C1orf21: variants seen among roughly 807,000 people sequenced by gnomAD.
The protein encoded by C1orf21 is uncharacterized protein C1orf21.
A neutral mutation model predicts 18.7 loss-of-function variants in C1orf21; 3 were observed. That is an observed-to-expected ratio of 0.16 (90% CI 0.07 to 0.42). C1orf21 has a LOEUF of 0.42. Among genes scored for constraint, C1orf21 ranks in the 10% least tolerant of loss-of-function variants. The pLI, the probability that C1orf21 is intolerant of heterozygous loss-of-function variation, is 0.99. For synonymous variants in C1orf21, 41 were observed against 46.4 expected (o/e 0.88, Z 0.47); for missense variants, 104 against 143.6 (o/e 0.72, Z 1.41).
intron 3 of C1orf21, among the ~76,000 whole-genome samples, chr1:184,545,444 GAA>G: frequency 6.6e-6 from 1 of 151,630 alleles, no homozygotes; most frequent in Admixed American, 6.6e-5. Context: ...TTTCTAGAAT[GAA>G]AAAGTGTTTT....
intron 3 of C1orf21, among the ~76,000 whole-genome samples, chr1:184,573,200 G>T (rs574779697): frequency 6.6e-6 from 1 of 152,192 alleles, no homozygotes; most frequent in South Asian, 2.1e-4. Flanking sequence ...ACTTGCAGCT[G>T]CAGCGTTTAC....
At chr1:184,591,788 A>T (rs1277303976) in intron 4 of C1orf21, among the ~76,000 whole-genome samples, 2 of 151,960 alleles carry the variant, frequency 1.3e-5, no homozygotes, top group Non-Finnish European at 2.9e-5. Context: ...CCTGGGCGAC[A>T]GAGCGAGACT....
At chr1:184,436,943 TG>T in intron 1 of C1orf21, among the ~76,000 whole-genome samples, 1 of 152,216 alleles carries the variant, frequency 6.6e-6, no homozygotes, top group South Asian at 2.1e-4. Context: ...AGCGGCGGGT[TG>T]GGGGGTACTT....
intron 3 of C1orf21, among the ~76,000 whole-genome samples, chr1:184,536,391 C>T (rs1436241161): frequency 1.3e-5 from 2 of 152,132 alleles, no homozygotes; most frequent in African/African-American, 2.4e-5. Context: ...GTCCACACAC[C>T]AGCCAGTGAG....
chr1:184,456,935 C>T (rs10489723), intron 1 of C1orf21, among the ~76,000 whole-genome samples: 4 of 151,840 alleles, frequency 2.6e-5, no homozygotes, highest in African/African-American at 4.8e-5. Flanking sequence ...ATATGTTGAC[C>T]GAAAAAAATG....
At chr1:184,542,070 A>G (rs1485578063) in intron 3 of C1orf21, among the ~76,000 whole-genome samples, 2 of 152,184 alleles carry the variant, frequency 1.3e-5, no homozygotes, top group Non-Finnish European at 2.9e-5. Flanking sequence ...GGGTGCAGTC[A>G]TCTTTAGCTT....
chr1:184,571,694 G>A (rs1328398272), intron 3 of C1orf21, among the ~76,000 whole-genome samples: 1 of 152,138 alleles, frequency 6.6e-6, no homozygotes, highest in Admixed American at 6.5e-5. Flanking sequence ...CATTAAAATT[G>A]TGTGTCCCTT....
In C1orf21 at chr1:184,622,237, G is replaced by A. The variant is rs1272815499; in HGVS notation, c.*2681G>A. ...TGGAAGGAGGAAGGGAGGGTAAGTGGCCTGGTGAGTGGAGGTAGAAAAATG... is the reference window on the plus strand; with the variant it reads ...TGGAAGGAGGAAGGGAGGGTAAGTGACCTGGTGAGTGGAGGTAGAAAAATG... On this transcript the variant is annotated 3_prime_UTR_variant, in exon 6 of 6. Coordinates refer to ENST00000235307, the MANE Select transcript of C1orf21 (RefSeq NM_030806.4). 6.6e-6 allele frequency: 1 copy of A among 152,298 alleles called. No homozygotes were observed. The highest frequency in any genetic ancestry group is 1.9e-4 in the East Asian group (1 of 5,186). The allele number at this position is 152,298 out of a possible 1,614,324, so 9.4% of individuals were successfully genotyped here. A position where few individuals can be genotyped will look rare whatever the true frequency, so the allele number is the denominator to read the frequency against.
At chr1:184,572,566 A>T (rs1659127739) in intron 3 of C1orf21, among the ~76,000 whole-genome samples, 1 of 152,174 alleles carries the variant, frequency 6.6e-6, no homozygotes, top group African/African-American at 2.4e-5. Context: ...AAAACCCTGG[A>T]GTTTGGTAAA....
chr1:184,507,262 C>G lies in C1orf21; in HGVS notation c.95-326C>G, dbSNP rs564514595. Among the ~76,000 whole-genome samples, 15 of 152,122 alleles carry G rather than the reference C, an allele frequency of 9.9e-5. No individual in the cohort carries two copies. The East Asian group carries it at 2.5e-3, about 26-fold the overall frequency. On this transcript the variant is annotated intron_variant, in intron 2 of 5. Transcript: ENST00000235307. ...TTATCAGACAGTTCTGTGATATGTC[C>G]TAGTGTAACATACATTTCAAAAAGT...
At chr1:184,548,376 AT>A in intron 3 of C1orf21, among the ~76,000 whole-genome samples, 1 of 135,580 alleles carries the variant, frequency 7.4e-6, no homozygotes, top group African/African-American at 2.7e-5. Context: ...GGGAACTTGC[AT>A]TTATTCATTC....
chr1:184,391,041 T>TTACA (rs1380632417), intron 1 of C1orf21, among the ~76,000 whole-genome samples: 1 of 152,176 alleles, frequency 6.6e-6, no homozygotes, highest in Non-Finnish European at 1.5e-5. Flanking sequence ...GGCATGTAAA[T>TTACA]TACATACATA....
chr1:184,592,796 C>T (rs143561017), intron 4 of C1orf21, among the ~76,000 whole-genome samples: 1,858 of 152,316 alleles, frequency 0.012, 35 homozygotes, highest in African/African-American at 0.041. Context: ...GTCGCTGCAG[C>T]TATGGCCACT....
chr1:184,616,458 G>A (rs1659825360), intron 5 of C1orf21, among the ~76,000 whole-genome samples: 1 of 152,206 alleles, frequency 6.6e-6, no homozygotes, highest in Non-Finnish European at 1.5e-5. Context: ...GTTTAGTAAT[G>A]ATAATAATTT....
chr1:184,540,953 T>C (rs1658640501), intron 3 of C1orf21, among the ~76,000 whole-genome samples: 1 of 152,210 alleles, frequency 6.6e-6, no homozygotes, highest in Admixed American at 6.5e-5. Flanking sequence ...CAAAAACAAA[T>C]GATAATAGCT....
In C1orf21 at chr1:184,627,730, G is replaced by C. The variant is rs758148845; in HGVS notation, c.*8174G>C. ...TTAGAATTTGTCCAGCGGTAATCCT[G>C]ATGCTGGAAACCAACAAACATTTGG... On this transcript the variant is annotated 3_prime_UTR_variant, in exon 6 of 6. Transcript: ENST00000235307. The C allele has an allele frequency of 1.3e-5, 2 of 152,192 alleles. No individual in the cohort carries two copies. Among genetic ancestry groups the C allele is most frequent in the Non-Finnish European group, 2.9e-5 (2 of 68,044 alleles). The allele number at this position is 152,192 out of a possible 1,614,324, so 9.4% of individuals were successfully genotyped here.
chr1:184,527,342 T>A (rs1395470259), intron 3 of C1orf21, among the ~76,000 whole-genome samples: 1 of 152,190 alleles, frequency 6.6e-6, no homozygotes, highest in Non-Finnish European at 1.5e-5. Context: ...GTGAAATTCA[T>A]AGTCTGGAAG....
intron 1 of C1orf21, among the ~76,000 whole-genome samples, chr1:184,472,373 C>A (rs781506993): frequency 6.6e-6 from 1 of 152,040 alleles, no homozygotes; most frequent in Non-Finnish European, 1.5e-5. Context: ...GTCCTCCAAG[C>A]CTCATGTTCT....
intron 1 of C1orf21, among the ~76,000 whole-genome samples, chr1:184,413,062 G>C (rs552135969): frequency 6.6e-6 from 1 of 152,240 alleles, no homozygotes; most frequent in South Asian, 2.1e-4. Context: ...TAACTCTCAG[G>C]ATATACTCAT....
Sources: gnomAD v4.1 joint callset for allele counts (sites outside exome capture counted in the v4.1 genomes callset) on GRCh38, gnomAD v4.1.1 for gene constraint, MANE v1.5 for transcripts, NCBI Gene and HGNC (gene_info 2026-07-23, HGNC 2026-07-21) for gene names.